The following VWF variants were observed in gnomAD, a reference collection of about 807,000 sequenced individuals.
VWF encodes the protein von Willebrand factor, also known as Factor VIII related antigen.
A neutral mutation model predicts 308.6 loss-of-function variants in VWF; 176 were observed. That is an observed-to-expected ratio of 0.57 (90% CI 0.50 to 0.65). The LOEUF (loss-of-function observed/expected upper bound fraction) is 0.65. VWF is among the 30% of genes least tolerant of loss of function. The probability of loss-of-function intolerance (pLI) is 0.00; values close to 1 mark genes in which losing one functional copy is unlikely to be tolerated. For missense variants in VWF, 3,146 were observed against 3,648.2 expected, an observed-to-expected ratio of 0.86 and a Z score of 3.55; for synonymous variants, 1,385 against 1,443.4, an observed-to-expected ratio of 0.96 and a Z score of 0.92.
rs1234538970 is a variant in VWF at position 6,013,546 on chromosome 12, T to C, written c.5555A>G (p.Gln1852Arg). 2.5e-6 allele frequency: 4 copies of C among 1,613,990 alleles called. No individual in the cohort carries two copies. Among genetic ancestry groups the C allele is most frequent in the Non-Finnish European group, 3.4e-6 (4 of 1,179,986 alleles). ...CATGGTAGGGAGGTCTTCGATTCGC[T>C]GGAGCTTCACCACGTTGGAGTCGCC... is the stretch of plus-strand genomic sequence containing the variant. ...PAGDSNVVKL[Q>R]RIEDLPTMVT... Residue 1852 changes from glutamine (Q) to arginine (R), a missense_variant, in exon 32 of 52, where the codon CAG becomes CGG. Gln to Arg is a conservative substitution (Grantham distance 43). This residue lies in a region of VWF where 853 missense variants were observed against 1,177.8 expected (regional missense o/e 0.72). Transcript: ENST00000261405.
chr12:6,068,835 C>CGTGT (rs34977515), intron 10 of VWF, among the ~76,000 whole-genome samples: 2,722 of 91,274 alleles, frequency 0.03, 117 homozygotes, highest in African/African-American at 0.1. Flanking sequence ...TTTTTTTTTG[C>CGTGT]GTGTGTGTGT....
intron 47 of VWF, among the ~76,000 whole-genome samples, chr12:5,963,862 C>T (rs1943346827): frequency 6.6e-6 from 1 of 152,084 alleles, no homozygotes; most frequent in African/African-American, 2.4e-5. Context: ...ACAGGGCTGG[C>T]AACTTTTTAT....
chr12:6,017,509 C>T (rs1351959054), intron 28 of VWF, among the ~76,000 whole-genome samples: 1 of 152,130 alleles, frequency 6.6e-6, no homozygotes, highest in African/African-American at 2.4e-5. Flanking sequence ...TAAAAGAAGG[C>T]TTATTATTCT....
chr12:6,069,624 G>A (rs1237340554), intron 10 of VWF, among the ~76,000 whole-genome samples: 2 of 152,212 alleles, frequency 1.3e-5, no homozygotes, highest in African/African-American at 4.8e-5. Context: ...TGGACCGGGA[G>A]GCGATGATCA....
intron 34 of VWF, among the ~76,000 whole-genome samples, chr12:6,010,341 G>T (rs1225196508): frequency 6.6e-6 from 1 of 152,152 alleles, no homozygotes; most frequent in Non-Finnish European, 1.5e-5. Flanking sequence ...AACACACTCA[G>T]CAAGGCCGTG....
intron 15 of VWF, among the ~76,000 whole-genome samples, chr12:6,056,355 G>C (rs115923292): frequency 2.1e-5 from 3 of 145,142 alleles, no homozygotes; most frequent in Admixed American, 2.0e-4. Context: ...GCCAACTGGG[G>C]ACAGTGATGT....
intron 34 of VWF, among the ~76,000 whole-genome samples, chr12:6,009,070 CA>C (rs972183987): frequency 2.0e-5 from 3 of 151,952 alleles, no homozygotes; most frequent in African/African-American, 7.2e-5. Flanking sequence ...GCAACAAAAG[CA>C]AAAATAGACA....
chr12:6,061,147 G>A (rs150096885), intron 13 of VWF, among the ~76,000 whole-genome samples: 2,549 of 152,274 alleles, frequency 0.017, 69 homozygotes, highest in African/African-American at 0.057. Context: ...GTTGTGGTGA[G>A]CCAAGATCGT....
chr12:5,971,815 A>G, intron 43 of VWF, 106 bp from the exon 44 acceptor site: 1 of 993,718 alleles, frequency 1.0e-6, no homozygotes, highest in Non-Finnish European at 1.6e-6. Context: ...CCAAGTGATC[A>G]CTGGTCTGGG....
intron 5 of VWF, among the ~76,000 whole-genome samples, chr12:6,100,632 T>C (rs1945152416): frequency 6.6e-6 from 1 of 152,084 alleles, no homozygotes; most frequent in Non-Finnish European, 1.5e-5. Context: ...CTCAGTAAAC[T>C]ATTGCAAGGA....
chr12:6,109,528 A>C (rs536141068), intron 5 of VWF, among the ~76,000 whole-genome samples: 2 of 152,348 alleles, frequency 1.3e-5, no homozygotes, highest in East Asian at 3.9e-4. Context: ...CTCTCTAATC[A>C]GAAAGTGGTT....
Position 6,071,298 on chromosome 12 carries a change from T to C in VWF, c.1155A>G (p.Pro385=). Residue 385 remains proline (P), a splice_region_variant and synonymous_variant, in exon 10 of 52, where the codon CCA becomes CCG. Coordinates refer to ENST00000261405, the MANE Select transcript of VWF (RefSeq NM_000552.5). Reference sequence around the variant, plus strand: ...GAGAATGAGCGGCAGGTCGCCTACCTGGACATTCTTCATTGCTGCAGATCC... The same window carrying C: ...GAGAATGAGCGGCAGGTCGCCTACCCGGACATTCTTCATTGCTGCAGATCC... ...SQWICSNEEC[P]GECLVTGQSH... is the part of the protein sequence containing the mutation. 1 of 1,614,162 alleles carries C rather than the reference T, an allele frequency of 6.2e-7. No individual in the cohort carries two copies. Among genetic ancestry groups the C allele is most frequent in the Non-Finnish European group, 8.5e-7 (1 of 1,180,022 alleles).
chr12:6,108,367 A>ACACACACACACACAC (rs1555076037), intron 5 of VWF, among the ~76,000 whole-genome samples: 2 of 150,384 alleles, frequency 1.3e-5, no homozygotes, highest in African/African-American at 2.5e-5. Context: ...ACACACACAC[A>ACACACACACACACAC]AAGCAAAATT....
intron 6 of VWF, among the ~76,000 whole-genome samples, chr12:6,081,226 C>T (rs539393289): frequency 1.0e-3 from 152 of 152,342 alleles, no homozygotes; most frequent in African/African-American, 3.5e-3. Context: ...GGCCTGAAGA[C>T]ACCTCCAAAG....
At chr12:6,067,124 G>A (rs1473887465) in intron 10 of VWF, among the ~76,000 whole-genome samples, 5 of 152,222 alleles carry the variant, frequency 3.3e-5, no homozygotes, top group Non-Finnish European at 7.3e-5. Context: ...GTGGAGGACA[G>A]AGCAGGCCAC....
At chr12:6,042,309 A>G (rs929040858) in intron 18 of VWF, among the ~76,000 whole-genome samples, 2 of 151,966 alleles carry the variant, frequency 1.3e-5, no homozygotes, top group African/African-American at 2.4e-5. Flanking sequence ...GTGACATCCC[A>G]CAACCCTGCC....
intron 5 of VWF, among the ~76,000 whole-genome samples, chr12:6,102,733 CAAA>C (rs56767737): frequency 3.6e-5 from 4 of 111,772 alleles, no homozygotes; most frequent in Admixed American, 1.0e-4. Context: ...GACTCCGTCT[CAAA>C]AAAAAAAAAA....
intron 8 of VWF, among the ~76,000 whole-genome samples, chr12:6,072,935 C>T (rs1944797766): frequency 2.6e-5 from 4 of 150,990 alleles, no homozygotes; most frequent in African/African-American, 9.7e-5. Context: ...GGTGCGATCT[C>T]GGTTCACTGC....
At chr12:6,098,238 C>T (rs1334803355) in intron 5 of VWF, among the ~76,000 whole-genome samples, 1 of 152,182 alleles carries the variant, frequency 6.6e-6, no homozygotes, top group African/African-American at 2.4e-5. Context: ...CAACTAAACC[C>T]CCAGTCCTTT....
Sources: gnomAD v4.1 joint callset for allele counts (sites outside exome capture counted in the v4.1 genomes callset) on GRCh38, gnomAD v4.1.1 for gene constraint, gnomAD v4.1.1 regional missense constraint, MANE v1.5 for transcripts, NCBI Gene and HGNC (gene_info 2026-07-23, HGNC 2026-07-21) for gene names.